Variants in TEKT3 observed in about 807,000 individuals in gnomAD.
TEKT3 encodes the protein tektin 3, also known as tektin-3.
Under a neutral mutation model 49.8 loss-of-function variants are expected in TEKT3, and 49 were observed. That is an observed-to-expected ratio of 0.98 (90% CI 0.78 to 1.25). The LOEUF (loss-of-function observed/expected upper bound fraction) is 1.25, where lower values mean the gene tolerates loss of function less well. Among genes scored for constraint, TEKT3 ranks in the 50% most tolerant of loss-of-function variants. The pLI is 0.00. For missense variants in TEKT3, 595 were observed against 629.5 expected (o/e 0.95, Z 0.59); for synonymous variants, 225 against 237.2 (o/e 0.95, Z 0.47).
chr17:15,340,782 T>C (rs937881784), intron 1 of TEKT3, among the ~76,000 whole-genome samples: 2 of 152,200 alleles, frequency 1.3e-5, no homozygotes, highest in Non-Finnish European at 2.9e-5. Context: ...CTACTTATTG[T>C]GTGAAGTATT....
At chr17:15,338,804 C>T (rs1567586629) in intron 2 of TEKT3, among the ~76,000 whole-genome samples, 1 of 151,634 alleles carries the variant, frequency 6.6e-6, no homozygotes, top group East Asian at 1.9e-4. Flanking sequence ...GCGTGAGCCA[C>T]CGCGCCCAGC....
At position 15,304,276 on chromosome 17, in the gene TEKT3, A is replaced by C. The variant is rs1185735701; in HGVS notation, c.1257-124T>G. 1.2e-6 allele frequency: 1 copy of C among 855,972 alleles called. No homozygotes were observed. The highest frequency in any genetic ancestry group is 2.7e-5 in the East Asian group (1 of 37,494). 53.0% of individuals were successfully genotyped at this position (855,972 alleles called of 1,614,324 possible). On this transcript the variant is annotated intron_variant, in intron 8 of 8. Transcript: ENST00000395930. The surrounding 1 kb of genome is among the most constrained non-coding windows in gnomAD (Gnocchi z 4.7). ...TTACTTTAGGATATATTTATCAGCA[A>C]ATGAGAGGTGCATGAAATTAATAAA...
chr17:15,316,287 G>T (rs1911005627), intron 5 of TEKT3, among the ~76,000 whole-genome samples: 1 of 152,146 alleles, frequency 6.6e-6, no homozygotes, highest in African/African-American at 2.4e-5. Context: ...AGCATCTATT[G>T]TTACAGTTCA....
chr17:15,311,965 C>T (rs949250175), intron 7 of TEKT3, among the ~76,000 whole-genome samples: 2 of 152,280 alleles, frequency 1.3e-5, no homozygotes, highest in Admixed American at 6.5e-5. Context: ...TTATATACAG[C>T]GATCCATTAA....
intron 4 of TEKT3, among the ~76,000 whole-genome samples, chr17:15,320,107 A>G (rs896443317): frequency 2.6e-5 from 4 of 152,166 alleles, no homozygotes; most frequent in Non-Finnish European, 4.4e-5. Flanking sequence ...ACAAATGAAC[A>G]CGTGTTTTCT....
At chr17:15,341,153 C>G (rs1241278025) in intron 1 of TEKT3, among the ~76,000 whole-genome samples, 1 of 152,180 alleles carries the variant, frequency 6.6e-6, no homozygotes, top group African/African-American at 2.4e-5. Context: ...GGACGAGGAA[C>G]AGCGTGCGGG....
At chr17:15,333,717 C>T (rs1176619245) in intron 2 of TEKT3, among the ~76,000 whole-genome samples, 1 of 135,142 alleles carries the variant, frequency 7.4e-6, no homozygotes, top group Admixed American at 7.6e-5. Context: ...TCCTACTTGG[C>T]TTTGGTTTAT....
chr17:15,327,516 C>CA (rs34068186), intron 4 of TEKT3, among the ~76,000 whole-genome samples: 11,217 of 128,014 alleles, frequency 0.088, 981 homozygotes, highest in African/African-American at 0.24. Context: ...GACTCTGTCT[C>CA]AAAAAAAAAA....
intron 4 of TEKT3, among the ~76,000 whole-genome samples, chr17:15,319,852 C>T (rs1265903360): frequency 6.6e-6 from 1 of 152,152 alleles, no homozygotes; most frequent in East Asian, 1.9e-4. Flanking sequence ...AAATGTAGCA[C>T]ATTATGTATG....
chr17:15,303,832 T>G lies in TEKT3; in HGVS notation c.*104A>C, dbSNP rs911844839. 1.8e-6 allele frequency: 2 copies of G among 1,108,784 alleles called. No individual in the cohort carries two copies. Among genetic ancestry groups the G allele is most frequent in the Non-Finnish European group, 2.7e-6 (2 of 748,182 alleles). 68.7% of individuals were successfully genotyped at this position (1,108,784 alleles called of 1,614,324 possible). On this transcript the variant is annotated 3_prime_UTR_variant, in exon 9 of 9. Coordinates refer to ENST00000395930, the MANE Select transcript of TEKT3 (RefSeq NM_031898.3). ...GGAGGTTGGTACATTTCCATCAGCA[T>G]AATCCTTTAATAAGTGACTATATTA...
intron 4 of TEKT3, 43 bp downstream of exon 4, chr17:15,327,949 A>G (rs230901): frequency 0.11 from 170,368 of 1,553,806 alleles, 10,286 homozygotes; most frequent in East Asian, 0.21. Flanking sequence ...ACATACATTT[A>G]CAACTAAGCT....
Position 15,316,560 on chromosome 17 carries a change from C to T in TEKT3, c.735-2330G>A, listed in dbSNP as rs181902131. Among the ~76,000 whole-genome samples the T allele has an allele frequency of 2.0e-5, 3 of 152,250 alleles. No individual in the cohort carries two copies. The East Asian group carries it at 5.8e-4, about 29-fold the overall frequency. On this transcript the variant is annotated intron_variant, in intron 5 of 8. Coordinates refer to ENST00000395930, the MANE Select transcript of TEKT3 (RefSeq NM_031898.3). ...AGATACTCTGAAAGTCCTGATTTCACCACAGTGCAATATATCAATGAAGCA... is the reference window on the plus strand; with the variant it reads ...AGATACTCTGAAAGTCCTGATTTCATCACAGTGCAATATATCAATGAAGCA...
intron 7 of TEKT3, among the ~76,000 whole-genome samples, chr17:15,309,134 AT>A (rs1206577696): frequency 6.6e-6 from 1 of 152,140 alleles, no homozygotes; most frequent in African/African-American, 2.4e-5. Flanking sequence ...AATGCTCCAA[AT>A]TAGGGGCTCC....
intron 4 of TEKT3, among the ~76,000 whole-genome samples, chr17:15,324,946 T>C (rs1412713939): frequency 1.3e-5 from 1 of 79,794 alleles, no homozygotes; most frequent in Non-Finnish European, 2.3e-5. Context: ...CTTAACTATT[T>C]TGTATGTTTG....
At chr17:15,305,549 C>T (rs1567571508) in intron 8 of TEKT3, among the ~76,000 whole-genome samples, 1 of 152,110 alleles carries the variant, frequency 6.6e-6, no homozygotes, top group Non-Finnish European at 1.5e-5. Flanking sequence ...AATACATCTT[C>T]GGCGAGGCTG....
At chr17:15,337,102 T>C (rs1031431755) in intron 2 of TEKT3, among the ~76,000 whole-genome samples, 1 of 152,060 alleles carries the variant, frequency 6.6e-6, no homozygotes, top group African/African-American at 2.4e-5. Flanking sequence ...ATAAAAACAT[T>C]ATGTTAATGT....
chr17:15,318,464 C>T (rs1343231716), intron 5 of TEKT3, among the ~76,000 whole-genome samples: 1 of 152,132 alleles, frequency 6.6e-6, no homozygotes, highest in African/African-American at 2.4e-5. Context: ...GGGCAGAAAT[C>T]CTTCCCACAG....
chr17:15,329,592 A>G (rs1490086565), intron 3 of TEKT3, among the ~76,000 whole-genome samples: 1 of 152,254 alleles, frequency 6.6e-6, no homozygotes, highest in Non-Finnish European at 1.5e-5. Context: ...CTAAACAAAA[A>G]TTTATGATGA....
intron 2 of TEKT3, among the ~76,000 whole-genome samples, chr17:15,339,426 G>A (rs1245396489): frequency 6.6e-6 from 1 of 152,088 alleles, no homozygotes; most frequent in East Asian, 1.9e-4. Context: ...TGTTTGACTA[G>A]GTGCACTTAA....
Sources: allele counts gnomAD v4.1 joint callset (sites outside exome capture counted in the v4.1 genomes callset), GRCh38; gene constraint gnomAD v4.1.1; non-coding constraint Gnocchi (gnomAD v3.1); transcripts MANE v1.5; gene names NCBI Gene and HGNC (gene_info 2026-07-23, HGNC 2026-07-21).